Variants in CYP46A1 observed in about 807,000 individuals in gnomAD.
The protein encoded by CYP46A1 is cytochrome P450 family 46 subfamily A member 1.
CYP46A1 carries 20 observed loss-of-function variants against 63.3 expected under a neutral mutation model. That is an observed-to-expected ratio of 0.32 (90% CI 0.22 to 0.46). The LOEUF (loss-of-function observed/expected upper bound fraction) is 0.46, where lower values mean the gene tolerates loss of function less well. Among genes scored for constraint, CYP46A1 ranks in the 20% least tolerant of loss-of-function variants. The pLI, the probability that CYP46A1 is intolerant of heterozygous loss-of-function variation, is 1.00. For missense variants in CYP46A1, 445 were observed against 670.8 expected (o/e 0.66, Z 3.72); for synonymous variants, 268 against 273.6 (o/e 0.98, Z 0.20).
chr14:99,722,644 C>CGTGTGTGTGTGTGTGTGTGT lies in CYP46A1; in HGVS notation c.1176+594_1176+613dup, dbSNP rs10600179. On this transcript the variant is annotated intron_variant, in intron 12 of 14. Transcript: ENST00000261835. This position sits in a 1 kb window ranked among gnomAD's most constrained non-coding sequence, Gnocchi z 4.6. ...ATCTGAATTGTGTGTTTGCCATTCCCGTGTGTGTGTGTGTGTGTGTGTGTG... is the reference window on the plus strand; with the variant it reads ...ATCTGAATTGTGTGTTTGCCATTCCCGTGTGTGTGTGTGTGTGTGTGTGTGTGTGTGTGTGTGTGTGTGTG... 5.8e-3 allele frequency among the ~76,000 whole-genome samples: 832 copies of CGTGTGTGTGTGTGTGTGTGT among 142,226 alleles called. 11 individuals carry two copies. The highest frequency in any genetic ancestry group is 0.01 in the South Asian group (43 of 4,132). 93.3% of individuals were successfully genotyped at this position (142,226 alleles called of 152,430 possible). A position where few individuals can be genotyped will look rare whatever the true frequency, so the allele number is the denominator to read the frequency against.
intron 7 of CYP46A1, chr14:99,710,381 T>C (rs896354236): frequency 1.1e-4 from 16 of 152,040 alleles, no homozygotes; most frequent in Non-Finnish European, 2.2e-4. Context: ...TTAAAAGATA[T>C]AGATTGACTG....
chr14:99,690,885 G>T (rs1217843108), intron 1 of CYP46A1, among the ~76,000 whole-genome samples, 196 bp from the exon 2 acceptor site: 1 of 152,112 alleles, frequency 6.6e-6, no homozygotes, highest in Non-Finnish European at 1.5e-5. Flanking sequence ...CTCCAAGGGG[G>T]TCTTTGGAGC....
chr14:99,691,172 A>G lies in CYP46A1; in HGVS notation c.200+11A>G. ...TGTGTTTTTGGATTGGTGGGTTCTC[A>G]TTTGTCACTTGTTGCCCTTACTCCA... On this transcript the variant is annotated intron_variant, in intron 2 of 14. Transcript: ENST00000261835. 6.2e-7 allele frequency: 1 copy of G among 1,613,856 alleles called. No homozygotes were observed. The highest frequency in any genetic ancestry group is 1.1e-5 in the South Asian group (1 of 91,058).
At chr14:99,692,920 A>G (rs2056556263) in intron 3 of CYP46A1, among the ~76,000 whole-genome samples, 1 of 152,128 alleles carries the variant, frequency 6.6e-6, no homozygotes, top group Non-Finnish European at 1.5e-5. Flanking sequence ...AAGAATGGGT[A>G]TCTGCTGTGG....
chr14:99,699,991 GCATCAC>G lies in CYP46A1; in HGVS notation c.357-23_357-18del. The G allele has an allele frequency of 3.7e-6, 5 of 1,346,154 alleles. No individual in the cohort carries two copies. The highest frequency in any genetic ancestry group is 3.9e-6 in the Non-Finnish European group (4 of 1,021,760). The allele number at this position is 1,346,154 out of a possible 1,614,324, so 83.4% of individuals were successfully genotyped here. A position where few individuals can be genotyped will look rare whatever the true frequency, so the allele number is the denominator to read the frequency against. On this transcript the variant is annotated intron_variant, in intron 4 of 14. Coordinates refer to ENST00000261835, the MANE Select transcript of CYP46A1 (RefSeq NM_006668.2). ...CTCCCCACCCCCCACCCTCTTTCCC[GCATCAC>G]GTGTGTGTCTCCTACAGACTCTTCG...
At chr14:99,692,474 G>T (rs1226947975) in intron 3 of CYP46A1, among the ~76,000 whole-genome samples, 2 of 151,744 alleles carry the variant, frequency 1.3e-5, no homozygotes, top group Non-Finnish European at 2.9e-5. Context: ...GGGAGGTGGA[G>T]GTTGCAGTGA....
Position 99,725,374 on chromosome 14 carries a change from G to A in CYP46A1, c.1177-17G>A, listed in dbSNP as rs200063751. The A allele has an allele frequency of 3.7e-5, 60 of 1,610,696 alleles. No individual in the cohort carries two copies. The Middle Eastern group carries it at 6.6e-4, about 18-fold the overall frequency. ...AACAACCTGGGAACCAGAGATGAGC[G>A]GACCCTTTGCCCGCAGTTCAGCACC... On this transcript the variant is annotated splice_polypyrimidine_tract_variant and intron_variant, in intron 12 of 14. Transcript: ENST00000261835. The surrounding 1 kb of genome is among the most constrained non-coding windows in gnomAD (Gnocchi z 4.2).
intron 1 of CYP46A1, among the ~76,000 whole-genome samples, chr14:99,686,863 G>T (rs2056498844): frequency 6.6e-6 from 1 of 152,184 alleles, no homozygotes; most frequent in Non-Finnish European, 1.5e-5. Flanking sequence ...TTAAAAATTG[G>T]TTAGTGGTCA....
Position 99,725,201 on chromosome 14 carries a change from G to T in CYP46A1, c.1177-190G>T, listed in dbSNP as rs117656872. On this transcript the variant is annotated intron_variant, in intron 12 of 14. Transcript: ENST00000261835. This position sits in a 1 kb window ranked among gnomAD's most constrained non-coding sequence, Gnocchi z 4.2. Reference sequence around the variant, plus strand: ...CCAGCTGGCACAGTCAACTGTCCCCGCTCTTCCTCTTAAGGGATTTTCTAG... The same window carrying T: ...CCAGCTGGCACAGTCAACTGTCCCCTCTCTTCCTCTTAAGGGATTTTCTAG... 6.6e-6 allele frequency among the ~76,000 whole-genome samples: 1 copy of T among 152,028 alleles called. No individual in the cohort carries two copies. The highest frequency in any genetic ancestry group is 1.5e-5 in the Non-Finnish European group (1 of 68,004).
chr14:99,705,465 G>A (rs747932481), intron 5 of CYP46A1, among the ~76,000 whole-genome samples: 20 of 152,132 alleles, frequency 1.3e-4, no homozygotes, highest in East Asian at 3.8e-4. Flanking sequence ...TCCTGCTCTC[G>A]CCTTCCAAAG....
At chr14:99,700,677 T>C (rs1489223621) in intron 5 of CYP46A1, among the ~76,000 whole-genome samples, 1 of 152,214 alleles carries the variant, frequency 6.6e-6, no homozygotes, top group Non-Finnish European at 1.5e-5. Context: ...GCAGATGCAA[T>C]TATGGACAGT....
chr14:99,692,494 G>A lies in CYP46A1; in HGVS notation c.282+633G>A, dbSNP rs562351549. Among the ~76,000 whole-genome samples the A allele has an allele frequency of 1.2e-4, 18 of 152,188 alleles. No homozygotes were observed. In the South Asian group the frequency reaches 1.7e-3, roughly 14 times the overall value. ...GTGGAGGTTGCAGTGAGCAGAGATC[G>A]TGCCATGGCACTCCAGCCTGGGTGA... On this transcript the variant is annotated intron_variant, in intron 3 of 14. Transcript: ENST00000261835.
intron 10 of CYP46A1, 149 bp downstream of exon 10, chr14:99,718,275 G>A (rs560493523): frequency 3.3e-5 from 20 of 612,432 alleles, no homozygotes; most frequent in Middle Eastern, 3.8e-4. Flanking sequence ...TCTTGGAAGC[G>A]CTCTCCCTGC....
At chr14:99,685,317 G>GC (rs34816218) in intron 1 of CYP46A1, among the ~76,000 whole-genome samples, 21,189 of 42,782 alleles carry the variant, frequency 0.5, 5,158 homozygotes, top group East Asian at 0.62. Context: ...CCCTCCCCCC[G>GC]CCCCCCCCGC....
chr14:99,691,975 C>G, intron 3 of CYP46A1, 114 bp downstream of exon 3: 1 of 1,087,620 alleles, frequency 9.2e-7, no homozygotes, highest in South Asian at 1.4e-5. Flanking sequence ...CGCATTTCGG[C>G]TGGTTTCCCA....
chr14:99,727,025 T>C lies in CYP46A1; in HGVS notation c.*298T>C, dbSNP rs1007230700. 5.5e-6 allele frequency: 2 copies of C among 363,556 alleles called. No homozygotes were observed. The highest frequency in any genetic ancestry group is 9.9e-6 in the Non-Finnish European group (2 of 203,022). 22.5% of individuals were successfully genotyped at this position (363,556 alleles called of 1,614,324 possible). A position where few individuals can be genotyped will look rare whatever the true frequency, so the allele number is the denominator to read the frequency against. ...ACGAGACACCCTAACTCTTGCTCACTCCCTAAAGCCCTCTTCAGGGGTCAC... is the reference window on the plus strand; with the variant it reads ...ACGAGACACCCTAACTCTTGCTCACCCCCTAAAGCCCTCTTCAGGGGTCAC... On this transcript the variant is annotated 3_prime_UTR_variant, in exon 15 of 15. Coordinates refer to ENST00000261835, the MANE Select transcript of CYP46A1 (RefSeq NM_006668.2).
chr14:99,718,144 G>A lies in CYP46A1; in HGVS notation c.980+18G>A. The stretch of plus-strand genomic sequence containing the variant: ...GTGGCAAGGTATGGGGGCTGCTCTT[G>A]GGGCTGGCAAAGAGGTCTGTCTGAT... On this transcript the variant is annotated intron_variant, in intron 10 of 14. Coordinates refer to ENST00000261835, the MANE Select transcript of CYP46A1 (RefSeq NM_006668.2). The A allele has an allele frequency of 6.2e-7, 1 of 1,611,584 alleles. No individual in the cohort carries two copies. The highest frequency in any genetic ancestry group is 1.7e-4 in the Middle Eastern group (1 of 6,056).
At position 99,721,230 on chromosome 14, in the gene CYP46A1, ACC is replaced by A. The variant is rs2056843460; in HGVS notation, c.981-6_981-5del. ...TTGGAGACGAACTTGTCTTTGTCTT[ACC>A]CCACAGGCTGCAGGCCGAGGTGGAT... On this transcript the variant is annotated splice_region_variant and splice_polypyrimidine_tract_variant and intron_variant, in intron 10 of 14. Transcript: ENST00000261835. 6.8e-6 allele frequency: 11 copies of A among 1,612,074 alleles called. No individual in the cohort carries two copies. The highest frequency in any genetic ancestry group is 9.3e-6 in the Non-Finnish European group (11 of 1,178,130).
intron 7 of CYP46A1, chr14:99,713,039 A>T (rs2056749154): frequency 6.6e-6 from 1 of 152,228 alleles, no homozygotes; most frequent in South Asian, 2.1e-4. Context: ...CCAAGAACAT[A>T]CACTGGGGAA....
Sources: allele counts gnomAD v4.1 joint callset (sites outside exome capture counted in the v4.1 genomes callset), GRCh38; gene constraint gnomAD v4.1.1; non-coding constraint Gnocchi (gnomAD v3.1); transcripts MANE v1.5; gene names NCBI Gene and HGNC (gene_info 2026-07-23, HGNC 2026-07-21).